Variants in TMCC2 observed in about 807,000 individuals in gnomAD.
The protein encoded by TMCC2 is transmembrane and coiled-coil domains protein 2.
TMCC2 carries 16 observed loss-of-function variants against 49.4 expected under a neutral mutation model. That is an observed-to-expected ratio of 0.32 (90% CI 0.22 to 0.49). The LOEUF (loss-of-function observed/expected upper bound fraction) is 0.49, where lower values mean the gene tolerates loss of function less well. Among genes scored for constraint, TMCC2 ranks in the 20% least tolerant of loss-of-function variants. The pLI is 0.99. For missense variants in TMCC2, 762 were observed against 989.8 expected, an observed-to-expected ratio of 0.77 and a Z score of 3.09; for synonymous variants, 397 against 434.1, an observed-to-expected ratio of 0.91 and a Z score of 1.06.
chr1:205,265,251 G>A lies in TMCC2; in HGVS notation c.748-3699G>A, dbSNP rs1004500442. On this transcript the variant is annotated intron_variant, in intron 2 of 4. Coordinates refer to ENST00000358024, the MANE Select transcript of TMCC2 (RefSeq NM_014858.4). ...CAGGCCCCAGCTGTTTTTCCCAGGA[G>A]TGTTTCTTCTCCTCTCATTAATGGG... 4.4e-4 allele frequency among the ~76,000 whole-genome samples: 67 copies of A among 152,308 alleles called. 1 individual carries two copies. Among genetic ancestry groups the A allele is most frequent in the African/African-American group, 1.6e-3 (66 of 41,564 alleles).
chr1:205,230,523 TGTG>T (rs569835052), intron 1 of TMCC2, among the ~76,000 whole-genome samples: 15 of 152,250 alleles, frequency 9.9e-5, no homozygotes, highest in African/African-American at 2.9e-4. Flanking sequence ...TGAATGCTGT[TGTG>T]GGGAGGAGGC....
chr1:205,228,575 G>T lies in TMCC2; in HGVS notation c.11G>T (p.Cys4Phe). 1 of 1,610,112 alleles carries T rather than the reference G, an allele frequency of 6.2e-7. No individual in the cohort carries two copies. Among genetic ancestry groups the T allele is most frequent in the African/African-American group, 1.3e-5 (1 of 74,972 alleles). Residue 4 changes from cysteine to phenylalanine, a missense_variant, in exon 1 of 5, where the codon TGC becomes TTC. This residue lies in a region of TMCC2 where 322 missense variants were observed against 353.1 expected (regional missense o/e 0.91). Coordinates refer to ENST00000358024, the MANE Select transcript of TMCC2 (RefSeq NM_014858.4). ...CGACCCACATACACCATGAAGAGGTGCAGATCGGACGAGCTGCAGCAACAA... is the reference window on the plus strand; with the variant it reads ...CGACCCACATACACCATGAAGAGGTTCAGATCGGACGAGCTGCAGCAACAA... Reference protein sequence around the residue: MKRCRSDELQQQQG... With the variant: MKRFRSDELQQQQG...
chr1:205,242,103 G>C, intron 2 of TMCC2, 59 bp downstream of exon 2: 1 of 1,496,598 alleles, frequency 6.7e-7, no homozygotes, highest in Non-Finnish European at 8.9e-7. Context: ...CCGCTGAGGG[G>C]CCTTGAGACC....
chr1:205,267,793 C>T lies in TMCC2; in HGVS notation c.748-1157C>T, dbSNP rs1031111587. ...CCCTGATGCACTCGGGAAGCCTGCCCGCCTGGTGGGGAGTGAAGGGGGCTG... is the reference window on the plus strand; with the variant it reads ...CCCTGATGCACTCGGGAAGCCTGCCTGCCTGGTGGGGAGTGAAGGGGGCTG... On this transcript the variant is annotated intron_variant, in intron 2 of 4. Coordinates refer to ENST00000358024, the MANE Select transcript of TMCC2 (RefSeq NM_014858.4). The T allele has an allele frequency of 9.6e-6, 8 of 837,320 alleles. No individual in the cohort carries two copies. The African/African-American group carries it at 1.1e-4, about 12-fold the overall frequency. 51.9% of individuals were successfully genotyped at this position (837,320 alleles called of 1,614,324 possible). A position where few individuals can be genotyped will look rare whatever the true frequency, so the allele number is the denominator to read the frequency against.
intron 1 of TMCC2, among the ~76,000 whole-genome samples, chr1:205,231,162 G>A (rs1237454163): frequency 6.6e-6 from 1 of 152,036 alleles, no homozygotes; most frequent in Non-Finnish European, 1.5e-5. Flanking sequence ...ACTACCGGGT[G>A]CAAGGGACTT....
At position 205,239,080 on chromosome 1, in the gene TMCC2, C is replaced by G. The variant is rs200998655; in HGVS notation, c.208-2425C>G. ...AGGGGAGAGGAAATGCCTCAGAACTCTAGGACCTCTGCTGAAGTCTTTAGA... is the reference window on the plus strand; with the variant it reads ...AGGGGAGAGGAAATGCCTCAGAACTGTAGGACCTCTGCTGAAGTCTTTAGA... On this transcript the variant is annotated intron_variant, in intron 1 of 4. Transcript: ENST00000358024. 1.2e-4 allele frequency among the ~76,000 whole-genome samples: 19 copies of G among 152,232 alleles called. No homozygotes were observed. The East Asian group carries it at 3.7e-3, about 29-fold the overall frequency.
chr1:205,230,891 T>A (rs35784152), intron 1 of TMCC2, among the ~76,000 whole-genome samples: 25,873 of 150,614 alleles, frequency 0.17, 3,015 homozygotes, highest in East Asian at 0.44. Context: ...AGTAACAACT[T>A]TACACTTGAT....
intron 2 of TMCC2, among the ~76,000 whole-genome samples, chr1:205,253,356 G>A (rs560928835): frequency 1.8e-4 from 27 of 152,338 alleles, no homozygotes; most frequent in Admixed American, 6.5e-4. Context: ...CCTTCCAGAC[G>A]TGCAGAGAGA....
Position 205,271,915 on chromosome 1 carries a change from G to A in TMCC2, c.1921G>A (p.Ala641Thr), listed in dbSNP as rs750436581. 2 of 1,614,208 alleles carry A rather than the reference G, an allele frequency of 1.2e-6. No individual in the cohort carries two copies. The highest frequency in any genetic ancestry group is 8.5e-7 in the Non-Finnish European group (1 of 1,180,034). ...GGGCGTGGAGAATGCCAACGCGCGGGCGCTGCTGGGCAAGTTCATCAACGT... is the reference window on the plus strand; with the variant it reads ...GGGCGTGGAGAATGCCAACGCGCGGACGCTGCTGGGCAAGTTCATCAACGT... Reference protein sequence around the residue: ...LEGVENANARALLGKFINVIL... With the variant: ...LEGVENANARTLLGKFINVIL... The change falls in exon 5 of 5, where the codon GCG becomes ACG. Residue 641 changes from alanine (A) to threonine (T), a missense_variant. Ala to Thr is a moderately conservative substitution (Grantham distance 58). Transcript: ENST00000358024.
At chr1:205,253,009 C>T (rs1260017458) in intron 2 of TMCC2, among the ~76,000 whole-genome samples, 1 of 151,790 alleles carries the variant, frequency 6.6e-6, no homozygotes, top group East Asian at 1.9e-4. Context: ...TGACATGCAC[C>T]TGTAGTCCCA....
chr1:205,235,182 C>T (rs1378103875), intron 1 of TMCC2, among the ~76,000 whole-genome samples: 1 of 152,008 alleles, frequency 6.6e-6, no homozygotes, highest in Non-Finnish European at 1.5e-5. Flanking sequence ...CCCAGGATTG[C>T]CTCCCCCCCA....
chr1:205,257,082 C>G, intron 2 of TMCC2: 8 of 1,111,076 alleles, frequency 7.2e-6, no homozygotes, highest in Non-Finnish European at 9.1e-6. Context: ...CTCGGTCCTC[C>G]CGCGCTCGGT....
Position 205,228,467 on chromosome 1 carries a change from T to C in TMCC2, c.-98T>C. 9.6e-7 allele frequency: 1 copy of C among 1,039,672 alleles called. No homozygotes were observed. Among genetic ancestry groups the C allele is most frequent in the African/African-American group, 1.6e-5 (1 of 62,836 alleles). 64.4% of individuals were successfully genotyped at this position (1,039,672 alleles called of 1,614,324 possible). A position where few individuals can be genotyped will look rare whatever the true frequency, so the allele number is the denominator to read the frequency against. ...TGCCATCTCCCCTCCTTGTTAATAA[T>C]TTAGACCCCAGGCCTCATATGAATA... On this transcript the variant is annotated 5_prime_UTR_variant, in exon 1 of 5. Coordinates refer to ENST00000358024, the MANE Select transcript of TMCC2 (RefSeq NM_014858.4).
intron 2 of TMCC2, chr1:205,257,238 C>T: frequency 1.6e-6 from 2 of 1,232,416 alleles, no homozygotes; most frequent in Non-Finnish European, 2.0e-6. Context: ...CTCAGGCACA[C>T]CTGCTCGCAG....
intron 2 of TMCC2, among the ~76,000 whole-genome samples, chr1:205,268,743 T>C (rs940656616): frequency 1.3e-5 from 2 of 152,162 alleles, no homozygotes; most frequent in Admixed American, 6.5e-5. Context: ...CTAGACTGCA[T>C]TTTGGGGATG....
intron 1 of TMCC2, among the ~76,000 whole-genome samples, chr1:205,232,444 G>T (rs1447608966): frequency 1.3e-5 from 2 of 152,258 alleles, no homozygotes; most frequent in African/African-American, 2.4e-5. Flanking sequence ...TGTCCTTATT[G>T]CCCAGCCTTT....
chr1:205,230,172 G>T, intron 1 of TMCC2: 1 of 985,496 alleles, frequency 1.0e-6, no homozygotes, highest in South Asian at 4.7e-5. Context: ...GAGCGCAGGT[G>T]AGTGTGTGTG....
intron 1 of TMCC2, chr1:205,233,705 A>G (rs1035187741): frequency 7.0e-6 from 1 of 142,590 alleles, no homozygotes; most frequent in Admixed American, 6.8e-5. Flanking sequence ...TTTAAATAAC[A>G]GAAGCAAAGC....
In TMCC2 at chr1:205,229,490, T is replaced by G. The variant is rs535268901; in HGVS notation, c.207+719T>G. On this transcript the variant is annotated intron_variant, in intron 1 of 4. Transcript: ENST00000358024. ...CGTGAGCCACCGTGCCGGGCCCCAT[T>G]GGGATCTTTGAGCGCTTTCCTGGAT... The G allele has an allele frequency of 3.6e-3, 1,285 of 355,716 alleles. 1 individual carries two copies. Among genetic ancestry groups the G allele is most frequent in the Non-Finnish European group, 4.4e-3 (1,171 of 268,716 alleles). 22.0% of individuals were successfully genotyped at this position (355,716 alleles called of 1,614,324 possible). A position where few individuals can be genotyped will look rare whatever the true frequency, so the allele number is the denominator to read the frequency against.
Sources: gnomAD v4.1 joint callset for allele counts (sites outside exome capture counted in the v4.1 genomes callset) on GRCh38, gnomAD v4.1.1 for gene constraint, gnomAD v4.1.1 regional missense constraint, MANE v1.5 for transcripts, NCBI Gene and HGNC (gene_info 2026-07-23, HGNC 2026-07-21) for gene names.